GOLM2: variants seen among roughly 807,000 people sequenced by gnomAD.
GOLM2 encodes golgi membrane protein 2, also known as protein GOLM2.
GOLM2 carries 26 observed loss-of-function variants against 55.9 expected under a neutral mutation model. That is an observed-to-expected ratio of 0.47 (90% confidence interval 0.34 to 0.65). The LOEUF is 0.65. GOLM2 is among the 30% of genes least tolerant of loss of function. The pLI, the probability that GOLM2 is intolerant of heterozygous loss-of-function variation, is 0.01. For synonymous variants in GOLM2, 165 were observed against 194.6 expected (o/e 0.85, Z 1.27); for missense variants, 486 against 531.8 (o/e 0.91, Z 0.85).
intron 8 of GOLM2, among the ~76,000 whole-genome samples, chr15:44,397,351 C>A (rs1261079539): frequency 4.6e-5 from 7 of 151,568 alleles, no homozygotes; most frequent in Admixed American, 4.6e-4. Flanking sequence ...TGGTGGTGGG[C>A]GCCTGTAGTC....
At chr15:44,306,241 C>T (rs1186822307) in intron 1 of GOLM2, among the ~76,000 whole-genome samples, 2 of 152,032 alleles carry the variant, frequency 1.3e-5, no homozygotes, top group African/African-American at 2.4e-5. Context: ...TTCTGGATAA[C>T]TTGCTGCAGC....
At chr15:44,292,965 C>T (rs913499643) in intron 1 of GOLM2, among the ~76,000 whole-genome samples, 2 of 152,102 alleles carry the variant, frequency 1.3e-5, no homozygotes, top group African/African-American at 4.8e-5. Context: ...TAGGTGCATG[C>T]CACCATGATG....
chr15:44,365,297 T>C (rs989295710), intron 6 of GOLM2, among the ~76,000 whole-genome samples: 1 of 152,138 alleles, frequency 6.6e-6, no homozygotes, highest in African/African-American at 2.4e-5. Context: ...GAGGCCAAAG[T>C]TGACAGATCG....
intron 6 of GOLM2, chr15:44,348,533 C>G (rs927282251): frequency 2.0e-5 from 3 of 152,170 alleles, no homozygotes; most frequent in Non-Finnish European, 4.4e-5. Context: ...TCTGACATTT[C>G]CAATTCTAGG....
In GOLM2 at chr15:44,366,319, A is replaced by C. The variant is rs35500553; in HGVS notation, c.803-13371A>C. 2.2e-4 allele frequency among the ~76,000 whole-genome samples: 33 copies of C among 151,600 alleles called. No homozygotes were observed. In the East Asian group the frequency reaches 4.1e-3, roughly 19 times the overall value. ...CTCAAAAAAAAAAAAAAAAAACAAA[A>C]CAAACAAACCACAAAACTGCTCTAA... On this transcript the variant is annotated intron_variant, in intron 6 of 9. Coordinates refer to ENST00000299957, the MANE Select transcript of GOLM2 (RefSeq NM_138423.4).
At chr15:44,361,454 G>C (rs1265665089) in intron 6 of GOLM2, among the ~76,000 whole-genome samples, 2 of 152,060 alleles carry the variant, frequency 1.3e-5, no homozygotes, top group African/African-American at 4.8e-5. Flanking sequence ...AGAAGAAATG[G>C]ATAAATTCCT....
At chr15:44,413,047 C>T (rs1488386963) in intron 9 of GOLM2, among the ~76,000 whole-genome samples, 2 of 151,462 alleles carry the variant, frequency 1.3e-5, no homozygotes, top group Non-Finnish European at 2.9e-5. Flanking sequence ...ATTAACTCCT[C>T]AATATTTGTG....
chr15:44,365,675 AG>A (rs2079278680), intron 6 of GOLM2, among the ~76,000 whole-genome samples: 1 of 152,190 alleles, frequency 6.6e-6, no homozygotes, highest in Non-Finnish European at 1.5e-5. Context: ...AGTAGTTGCA[AG>A]GGGATGGGGT....
intron 6 of GOLM2, among the ~76,000 whole-genome samples, chr15:44,375,318 C>T (rs1216245450): frequency 2.0e-5 from 3 of 152,166 alleles, no homozygotes; most frequent in South Asian, 2.1e-4. Context: ...CCCACCTGAC[C>T]GAGAGTTGCT....
At chr15:44,291,566 C>G (rs2078720932) in intron 1 of GOLM2, among the ~76,000 whole-genome samples, 1 of 152,122 alleles carries the variant, frequency 6.6e-6, no homozygotes, top group African/African-American at 2.4e-5. Flanking sequence ...TAGTCAAAAC[C>G]AAAGAATATT....
rs541831626 is a variant in GOLM2, at chr15:44,316,180, G to A, written c.328-6785G>A. On this transcript the variant is annotated intron_variant, in intron 1 of 9. Transcript: ENST00000299957. ...CAATTAATTTCTCAACAGCAGGGAC[G>A]TTTTGGCAGTCATTTAGAAGATAAG... 1.2e-4 allele frequency among the ~76,000 whole-genome samples: 19 copies of A among 152,292 alleles called. No individual in the cohort carries two copies. In the East Asian group the frequency reaches 2.1e-3, roughly 17 times the overall value.
Position 44,362,577 on chromosome 15 carries a change from T to C in GOLM2, c.803-17113T>C, listed in dbSNP as rs531174783. 4.4e-3 allele frequency among the ~76,000 whole-genome samples: 666 copies of C among 152,270 alleles called. 4 individuals are homozygous for C. Among genetic ancestry groups the C allele is most frequent in the African/African-American group, 0.016 (645 of 41,546 alleles). Reference sequence around the variant, plus strand: ...GAAATGGAAGAACATTCCATGCTCATGGGTAGGAAGAATCGATATCATGAA... The same window carrying C: ...GAAATGGAAGAACATTCCATGCTCACGGGTAGGAAGAATCGATATCATGAA... On this transcript the variant is annotated intron_variant, in intron 6 of 9. Transcript: ENST00000299957.
chr15:44,341,565 G>T (rs9806569), intron 6 of GOLM2, among the ~76,000 whole-genome samples: 3,833 of 151,872 alleles, frequency 0.025, 162 homozygotes, highest in African/African-American at 0.088. Context: ...TAGGTATATT[G>T]TCCTATCAGA....
At chr15:44,296,896 G>A (rs909215247) in intron 1 of GOLM2, among the ~76,000 whole-genome samples, 5 of 152,106 alleles carry the variant, frequency 3.3e-5, no homozygotes, top group Non-Finnish European at 7.3e-5. Flanking sequence ...GTTCTAATAT[G>A]CTGCACATGA....
intron 2 of GOLM2, among the ~76,000 whole-genome samples, chr15:44,324,302 T>C (rs2078968523): frequency 6.6e-6 from 1 of 152,232 alleles, no homozygotes; most frequent in Admixed American, 6.5e-5. Flanking sequence ...TAAAAATCTT[T>C]ATTGTACCAT....
chr15:44,375,261 C>T (rs1168690864), intron 6 of GOLM2, among the ~76,000 whole-genome samples: 6 of 152,054 alleles, frequency 3.9e-5, no homozygotes, highest in African/African-American at 1.4e-4. Context: ...CCTCGTGATC[C>T]GCCCACCTCA....
At chr15:44,290,464 T>C (rs1164772942) in intron 1 of GOLM2, among the ~76,000 whole-genome samples, 2 of 152,232 alleles carry the variant, frequency 1.3e-5, no homozygotes, top group African/African-American at 2.4e-5. Flanking sequence ...AGCCTCTACC[T>C]GGCTTTCTTA....
intron 1 of GOLM2, among the ~76,000 whole-genome samples, chr15:44,313,041 T>G (rs1471102060): frequency 6.6e-6 from 1 of 151,498 alleles, no homozygotes; most frequent in Non-Finnish European, 1.5e-5. Flanking sequence ...ATCATGCCAT[T>G]GCACTCCAGC....
intron 5 of GOLM2, 69 bp from the exon 6 acceptor site, chr15:44,338,168 A>C: frequency 1.4e-6 from 2 of 1,447,398 alleles, no homozygotes; most frequent in East Asian, 4.6e-5. Context: ...TGATTGTTAC[A>C]TTCCTTCAAA....
Sources: gnomAD v4.1 joint callset for allele counts (sites outside exome capture counted in the v4.1 genomes callset) on GRCh38, gnomAD v4.1.1 for gene constraint, MANE v1.5 for transcripts, NCBI Gene and HGNC (gene_info 2026-07-23, HGNC 2026-07-21) for gene names.